DDR2: variants seen among roughly 807,000 people sequenced by gnomAD.
DDR2 encodes the protein discoidin domain receptor tyrosine kinase 2.
In DDR2, 27 loss-of-function variants were observed where a neutral mutation model predicts 94.9. The ratio of observed to expected loss-of-function variants is 0.28; its 90% confidence interval spans 0.21 to 0.39. The LOEUF (loss-of-function observed/expected upper bound fraction) is 0.39. Ranked by LOEUF, DDR2 falls within the 10% of genes least tolerant of loss-of-function variation. The pLI is 1.00. For missense variants in DDR2, 783 were observed against 1,076.0 expected (o/e 0.73, Z 3.81); for synonymous variants, 382 against 377.2 (o/e 1.01, Z -0.15).
intron 3 of DDR2, among the ~76,000 whole-genome samples, chr1:162,744,223 A>G (rs1005308666): frequency 6.6e-6 from 1 of 152,216 alleles, no homozygotes; most frequent in Non-Finnish European, 1.5e-5. Flanking sequence ...ATCGTTAAGT[A>G]TAGGCACAAT....
At chr1:162,682,449 C>G (rs1659457490) in intron 2 of DDR2, among the ~76,000 whole-genome samples, 1 of 152,198 alleles carries the variant, frequency 6.6e-6, no homozygotes, top group Admixed American at 6.5e-5. Context: ...TTACTTCTCT[C>G]CCAAGTGGGA....
intron 1 of DDR2, among the ~76,000 whole-genome samples, chr1:162,642,448 GT>G (rs10601565): frequency 0.24 from 33,340 of 137,112 alleles, 5,064 homozygotes; most frequent in African/African-American, 0.46. Context: ...AATTTTCTGT[GT>G]TTTTTTTTTT....
intron 2 of DDR2, among the ~76,000 whole-genome samples, chr1:162,673,297 C>T (rs72709717): frequency 1.3e-5 from 2 of 152,238 alleles, no homozygotes; most frequent in Non-Finnish European, 2.9e-5. Context: ...CTCTTATATT[C>T]CCCATAAACT....
At chr1:162,719,295 G>C in intron 3 of DDR2, 150 bp downstream of exon 3, 1 of 1,410,592 alleles carries the variant, frequency 7.1e-7, no homozygotes, top group Non-Finnish European at 9.5e-7. Flanking sequence ...AAAATAGGAA[G>C]AAAAATGAAT....
intron 2 of DDR2, among the ~76,000 whole-genome samples, chr1:162,668,567 C>A (rs2101932871): frequency 6.6e-6 from 1 of 152,296 alleles, no homozygotes; most frequent in Middle Eastern, 3.4e-3. Flanking sequence ...ATGGCTCTTG[C>A]AATCACTCCA....
chr1:162,721,460 C>A, intron 3 of DDR2, among the ~76,000 whole-genome samples: 1 of 152,006 alleles, frequency 6.6e-6, no homozygotes, highest in Admixed American at 6.6e-5. Context: ...TCTATTTTAC[C>A]AAGTCAAACC....
At chr1:162,753,223 C>T (rs1434795883) in intron 4 of DDR2, 26 bp downstream of exon 4, 1 of 1,605,404 alleles carries the variant, frequency 6.2e-7, no homozygotes, top group African/African-American at 1.3e-5. Flanking sequence ...TCAAGAAAGC[C>T]CATGTTCTGG....
At chr1:162,741,493 G>T (rs544350410) in intron 3 of DDR2, 1 of 707,734 alleles carries the variant, frequency 1.4e-6, no homozygotes, top group Non-Finnish European at 1.7e-6. Flanking sequence ...TGTGTACTCT[G>T]CCAACTACAT....
chr1:162,775,259 A>AAG lies in DDR2; in HGVS notation c.1857-392_1857-391insGA. Among the ~76,000 whole-genome samples, 5 of 151,660 alleles carry AAG rather than the reference A, an allele frequency of 3.3e-5. 1 individual carries two copies. In the South Asian group the frequency reaches 1.0e-3, roughly 32 times the overall value. The stretch of plus-strand genomic sequence containing the variant: ...GTAATAGAGTGACTCCATGGCTTTA[A>AAG]AAAAAAAAAGGTAAATATCCTCGTG... On this transcript the variant is annotated intron_variant, in intron 14 of 17. Transcript: ENST00000367921.
intron 1 of DDR2, among the ~76,000 whole-genome samples, chr1:162,647,777 C>G (rs1407061032): frequency 6.6e-6 from 1 of 152,176 alleles, no homozygotes; most frequent in Non-Finnish European, 1.5e-5. Context: ...GTCTAATGAG[C>G]AGTGAGGATG....
intron 1 of DDR2, among the ~76,000 whole-genome samples, chr1:162,646,303 G>A (rs986043096): frequency 6.6e-6 from 1 of 152,106 alleles, no homozygotes; most frequent in Admixed American, 6.5e-5. Flanking sequence ...TGGGCTCCAC[G>A]GTTCTCAGGA....
At chr1:162,664,755 T>C (rs1056815056) in intron 2 of DDR2, among the ~76,000 whole-genome samples, 38 of 152,190 alleles carry the variant, frequency 2.5e-4, no homozygotes, top group African/African-American at 8.7e-4. Flanking sequence ...TGAGCATGCA[T>C]CACTTTTTCA....
Position 162,787,098 on chromosome 1 carries a change from T to C in DDR2, c.*6852T>C, listed in dbSNP as rs1186657458. The C allele has an allele frequency of 1.3e-5, 2 of 152,200 alleles. No individual in the cohort carries two copies. Among genetic ancestry groups the C allele is most frequent in the Non-Finnish European group, 2.9e-5 (2 of 68,044 alleles). 9.4% of individuals were successfully genotyped at this position (152,200 alleles called of 1,614,324 possible). On this transcript the variant is annotated 3_prime_UTR_variant, in exon 18 of 18. Transcript: ENST00000367921. Reference sequence around the variant, plus strand: ...TCTGAGAATAAGTTTATACTTTTAGTTTTCTGAGAATATTTCTCAGAATAT... The same window carrying C: ...TCTGAGAATAAGTTTATACTTTTAGCTTTCTGAGAATATTTCTCAGAATAT...
intron 3 of DDR2, among the ~76,000 whole-genome samples, chr1:162,733,215 G>A (rs1426360978): frequency 6.6e-6 from 1 of 152,176 alleles, no homozygotes; most frequent in African/African-American, 2.4e-5. Context: ...TTTGATGAAC[G>A]AGGAAGTGGA....
intron 2 of DDR2, among the ~76,000 whole-genome samples, chr1:162,704,548 G>A (rs7355062): frequency 0.83 from 126,423 of 152,188 alleles, 53,963 homozygotes; most frequent in Non-Finnish European, 0.93. Context: ...AGGCTAGGAC[G>A]TCCAAGATCA....
rs750774119 is a variant in DDR2 at position 162,783,282 on chromosome 1, A to T, written c.*3036A>T. The T allele has an allele frequency of 6.6e-5, 10 of 152,208 alleles. No homozygotes were observed. The highest frequency in any genetic ancestry group is 1.2e-4 in the Non-Finnish European group (8 of 68,036). The allele number at this position is 152,208 out of a possible 1,614,324, so 9.4% of individuals were successfully genotyped here. A position where few individuals can be genotyped will look rare whatever the true frequency, so the allele number is the denominator to read the frequency against. On this transcript the variant is annotated 3_prime_UTR_variant, in exon 18 of 18. Transcript: ENST00000367921. ...ATCCAGACACATATGATCAGAAAAG[A>T]TCTAGAGTGCAAAGAGGTGCCTGAG...
In DDR2 at chr1:162,772,327, C is replaced by T. The variant is rs17487682; in HGVS notation, c.1728+80C>T. 0.058 allele frequency: 81,296 copies of T among 1,400,226 alleles called. 2,573 individuals are homozygous for T. Among genetic ancestry groups the T allele is most frequent in the Admixed American group, 0.073 (3,818 of 52,114 alleles). The allele number at this position is 1,400,226 out of a possible 1,614,324, so 86.7% of individuals were successfully genotyped here. On this transcript the variant is annotated intron_variant, in intron 13 of 17. Coordinates refer to ENST00000367921, the MANE Select transcript of DDR2 (RefSeq NM_006182.4). Reference sequence around the variant, plus strand: ...GATCAGTAGAACAAAGAGTCCCTTCCAGAGGTGGATTCACAACAGAATGTC... The same window carrying T: ...GATCAGTAGAACAAAGAGTCCCTTCTAGAGGTGGATTCACAACAGAATGTC...
chr1:162,750,845 A>G (rs998510221), intron 3 of DDR2, among the ~76,000 whole-genome samples: 27 of 152,260 alleles, frequency 1.8e-4, no homozygotes, highest in African/African-American at 6.5e-4. Flanking sequence ...AATACCACAC[A>G]TCTACAACCA....
chr1:162,640,618 A>G (rs186942364), intron 1 of DDR2, among the ~76,000 whole-genome samples: 4 of 152,192 alleles, frequency 2.6e-5, no homozygotes, highest in Admixed American at 2.6e-4. Flanking sequence ...GAAGGCAGTC[A>G]TTGTAATATA....
Sources: allele counts gnomAD v4.1 joint callset (sites outside exome capture counted in the v4.1 genomes callset), GRCh38; gene constraint gnomAD v4.1.1; transcripts MANE v1.5; gene names NCBI Gene and HGNC (gene_info 2026-07-23, HGNC 2026-07-21).